Variants in TTC3 observed in about 807,000 individuals in gnomAD.
TTC3 encodes E3 ubiquitin-protein ligase TTC3.
In TTC3, 180 loss-of-function variants were observed where a neutral mutation model predicts 249.6. The observed-to-expected ratio is 0.72, with a 90% CI of 0.64 to 0.82. TTC3 has a LOEUF of 0.82. TTC3 is among the 40% of genes least tolerant of loss of function. The pLI is 0.00. For missense variants in TTC3, 2,061 were observed against 2,398.4 expected, an observed-to-expected ratio of 0.86 and a Z score of 2.94; for synonymous variants, 717 against 805.0, an observed-to-expected ratio of 0.89 and a Z score of 1.85.
chr21:37,144,380 G>C, intron 20 of TTC3, 145 bp from the exon 21 acceptor site: 1 of 968,590 alleles, frequency 1.0e-6, no homozygotes, highest in Non-Finnish European at 1.4e-6. Context: ...TTTTTTTAAA[G>C]AAAATTTAGG....
At chr21:37,189,207 A>AT (rs2083680911) in intron 39 of TTC3, among the ~76,000 whole-genome samples, 1 of 152,104 alleles carries the variant, frequency 6.6e-6, no homozygotes, top group East Asian at 1.9e-4. Context: ...ATATTCACAC[A>AT]TGTTAATTTT....
chr21:37,096,444 A>G (rs1601378543), intron 9 of TTC3, 137 bp from the exon 10 acceptor site: 1 of 585,696 alleles, frequency 1.7e-6, no homozygotes, highest in Non-Finnish European at 3.0e-6. Flanking sequence ...TTAAGACTCC[A>G]GGTCCTATAT....
chr21:37,095,435 T>C (rs928983778), exon 9 of TTC3: 12 of 1,591,874 alleles, frequency 7.5e-6, no homozygotes, highest in Non-Finnish European at 9.4e-6. Context: ...ACCAGAGCCA[T>C]TGAATATAGG....
At chr21:37,140,631 T>G (rs770650573) in exon 20 of TTC3, 3 of 1,608,894 alleles carry the variant, frequency 1.9e-6, no homozygotes, top group Non-Finnish European at 2.5e-6. Flanking sequence ...CTTGATTGCT[T>G]GGCCTACTGT....
chr21:37,088,330 C>T (rs1207721808), exon 4 of TTC3: 4 of 1,612,090 alleles, frequency 2.5e-6, no homozygotes, highest in Non-Finnish European at 3.4e-6. Context: ...ACGATTGCAT[C>T]CCTGTGTGGA....
intron 17 of TTC3, among the ~76,000 whole-genome samples, chr21:37,135,098 G>T (rs961277867): frequency 1.1e-4 from 16 of 152,122 alleles, no homozygotes; most frequent in Non-Finnish European, 1.5e-4. Flanking sequence ...TGTCTGTTTA[G>T]TCTGGAGAGC....
chr21:37,190,584 T>C (rs532528019), intron 39 of TTC3, among the ~76,000 whole-genome samples: 1 of 152,328 alleles, frequency 6.6e-6, no homozygotes, highest in South Asian at 2.1e-4. Flanking sequence ...ATAGGCTGCA[T>C]TGTGGCTCAT....
In TTC3 at chr21:37,188,610, T is replaced by C. The variant is rs766733415; in HGVS notation, c.5024+15T>C. Reference sequence around the variant, plus strand: ...CTGATTAGCCGGTATTGCAGTTTCGTGGGTGTTCTCAGCACGTCATTTAGA... The same window carrying C: ...CTGATTAGCCGGTATTGCAGTTTCGCGGGTGTTCTCAGCACGTCATTTAGA... On this transcript the variant is annotated intron_variant, in intron 39 of 45. Coordinates refer to ENST00000355666, the Ensembl canonical transcript of TTC3. 6.2e-7 allele frequency: 1 copy of C among 1,608,254 alleles called. No individual in the cohort carries two copies. The highest frequency in any genetic ancestry group is 8.5e-7 in the Non-Finnish European group (1 of 1,174,772).
chr21:37,154,389 A>G (rs1478533609), intron 27 of TTC3, among the ~76,000 whole-genome samples: 1 of 152,246 alleles, frequency 6.6e-6, no homozygotes, highest in Non-Finnish European at 1.5e-5. Flanking sequence ...CAAGCCTGGC[A>G]TAGTTAGACA....
intron 10 of TTC3, among the ~76,000 whole-genome samples, chr21:37,101,979 A>G (rs2147762228): frequency 6.7e-6 from 1 of 149,838 alleles, no homozygotes; most frequent in South Asian, 2.1e-4. Flanking sequence ...GTTAAATTAT[A>G]GATATATTAG....
At position 37,160,792 on chromosome 21, in the gene TTC3, C is replaced by T. The variant is rs2080657986; in HGVS notation, c.3040-10C>T. ...TTGAGTGTTCACTGATTTTTCCCCCCATTTTTTAGTTTAGTTCAACCAAGG... is the reference window on the plus strand; with the variant it reads ...TTGAGTGTTCACTGATTTTTCCCCCTATTTTTTAGTTTAGTTCAACCAAGG... On this transcript the variant is annotated splice_polypyrimidine_tract_variant and intron_variant, in intron 29 of 45. Coordinates refer to ENST00000355666, the Ensembl canonical transcript of TTC3. 2 of 1,612,288 alleles carry T rather than the reference C, an allele frequency of 1.2e-6. No homozygotes were observed. Among genetic ancestry groups the T allele is most frequent in the Non-Finnish European group, 1.7e-6 (2 of 1,179,248 alleles).
chr21:37,087,008 G>A (rs1374456817), intron 1 of TTC3: 5 of 488,702 alleles, frequency 1.0e-5, no homozygotes, highest in African/African-American at 9.6e-5. Flanking sequence ...TTAACTTAGA[G>A]TAGAGATGGT....
chr21:37,123,345 G>A (rs1287125727), intron 13 of TTC3, among the ~76,000 whole-genome samples: 1 of 152,188 alleles, frequency 6.6e-6, no homozygotes, highest in Non-Finnish European at 1.5e-5. Flanking sequence ...TGGCAGCACA[G>A]AGCTAGGACA....
At chr21:37,149,988 T>C in intron 23 of TTC3, 90 bp from the exon 24 acceptor site, 2 of 910,230 alleles carry the variant, frequency 2.2e-6, no homozygotes, top group Non-Finnish European at 1.7e-6. Context: ...GTATTTTGAC[T>C]GTTCCTAGTG....
chr21:37,202,841 ATG>A (rs1351425614), exon 46 of TTC3: 1 of 152,138 alleles, frequency 6.6e-6, no homozygotes, highest in Non-Finnish European at 1.5e-5. Flanking sequence ...GTGAGTTCTG[ATG>A]TCTTAGTGAC....
At chr21:37,113,219 C>T (rs371682740) in intron 11 of TTC3, among the ~76,000 whole-genome samples, 2 of 152,094 alleles carry the variant, frequency 1.3e-5, no homozygotes, top group South Asian at 2.1e-4. Context: ...AAATAAAGGG[C>T]ATTCAATTAG....
At chr21:37,171,911 T>A (rs2081833691) in intron 34 of TTC3, among the ~76,000 whole-genome samples, 1 of 152,196 alleles carries the variant, frequency 6.6e-6, no homozygotes, top group South Asian at 2.1e-4. Flanking sequence ...TGGGATAGAT[T>A]TCTAAAGCCT....
chr21:37,082,970 T>C (rs921996894), intron 1 of TTC3: 4 of 984,696 alleles, frequency 4.1e-6, no homozygotes, highest in Middle Eastern at 5.2e-4. Context: ...ATTAAGTAAA[T>C]AGCAGTACAG....
chr21:37,081,364 C>A (rs1241418103), intron 1 of TTC3, among the ~76,000 whole-genome samples: 2 of 152,054 alleles, frequency 1.3e-5, no homozygotes, highest in African/African-American at 4.8e-5. Context: ...GATCTGTCCG[C>A]CTCAGCCTCC....
Sources: allele counts gnomAD v4.1 joint callset (sites outside exome capture counted in the v4.1 genomes callset), GRCh38; gene constraint gnomAD v4.1.1; transcripts MANE v1.5; gene names NCBI Gene and HGNC (gene_info 2026-07-23, HGNC 2026-07-21).